LYRM9: variants seen among roughly 807,000 people sequenced by gnomAD.
LYRM9 encodes the protein LYR motif-containing protein 9.
A neutral mutation model predicts 12.6 loss-of-function variants in LYRM9; 14 were observed. The observed-to-expected ratio is 1.11, with a 90% CI of 0.73 to 1.73. The LOEUF (loss-of-function observed/expected upper bound fraction) is 1.73, where lower values mean the gene tolerates loss of function less well. Among genes scored for constraint, LYRM9 ranks in the 40% most tolerant of loss-of-function variants. LYRM9 has a pLI of 0.00. For synonymous variants in LYRM9, 42 were observed against 35.1 expected (o/e 1.20, Z -0.69); for missense variants, 94 against 95.0 (o/e 0.99, Z 0.04).
intron 2 of LYRM9, chr17:27,880,624 T>C (rs1025862825): frequency 6.0e-5 from 32 of 529,010 alleles, no homozygotes; most frequent in Admixed American, 3.9e-4. Context: ...GCAAAAAGAC[T>C]GGCCCCCAAG....
At position 27,882,670 on chromosome 17, in the gene LYRM9, G is replaced by A. The variant is rs1905102594; in HGVS notation, c.25C>T (p.Leu9=). ...TAGAGCTGCAGTGGCCTCCGAACCAGTTCTGCTCCTGGCAGCGGGGCCATC... is the reference window on the plus strand; with the variant it reads ...TAGAGCTGCAGTGGCCTCCGAACCAATTCTGCTCCTGGCAGCGGGGCCATC... MAPLPGAE[L]VRRPLQLYRY... Residue 9 remains leucine (L), a synonymous_variant, in exon 2 of 4, where the codon CTG becomes TTG. Coordinates refer to ENST00000379102, the MANE Select transcript of LYRM9 (RefSeq NM_001076680.3). The A allele has an allele frequency of 6.2e-7, 1 of 1,605,066 alleles. No homozygotes were observed. Among genetic ancestry groups the A allele is most frequent in the South Asian group, 1.1e-5 (1 of 89,152 alleles).
At position 27,879,359 on chromosome 17, in the gene LYRM9, T is replaced by G. The variant is rs964323471; in HGVS notation, c.*114A>C. On this transcript the variant is annotated 3_prime_UTR_variant, in exon 4 of 4. Transcript: ENST00000379102. ...GAGCAAGGTCAGCTTCTCCCCTGATTTCTGGCTTTCAGCCAACAAGGCCAA... is the reference window on the plus strand; with the variant it reads ...GAGCAAGGTCAGCTTCTCCCCTGATGTCTGGCTTTCAGCCAACAAGGCCAA... The G allele has an allele frequency of 6.5e-6, 8 of 1,223,626 alleles. No individual in the cohort carries two copies. Among genetic ancestry groups the G allele is most frequent in the Non-Finnish European group, 5.6e-6 (5 of 894,352 alleles). The allele number at this position is 1,223,626 out of a possible 1,614,324, so 75.8% of individuals were successfully genotyped here. A position where few individuals can be genotyped will look rare whatever the true frequency, so the allele number is the denominator to read the frequency against.
intron 1 of LYRM9, among the ~76,000 whole-genome samples, chr17:27,885,890 T>C (rs943546760): frequency 1.3e-5 from 2 of 151,894 alleles, no homozygotes; most frequent in Non-Finnish European, 2.9e-5. Flanking sequence ...CACAAATTCT[T>C]CCACAATGCA....
rs1469199163 is a variant in LYRM9 at position 27,878,873 on chromosome 17, CA to C, written c.*599del. On this transcript the variant is annotated 3_prime_UTR_variant, in exon 4 of 4. Transcript: ENST00000379102. Reference sequence around the variant, plus strand: ...TCAGGGGCTACAAGCAGGGACAGGGCAAGCTCGCAAACAAAAAACTGAGACC... The same window carrying C: ...TCAGGGGCTACAAGCAGGGACAGGGCAGCTCGCAAACAAAAAACTGAGACC... 6.5e-6 allele frequency: 1 copy of C among 152,780 alleles called. No homozygotes were observed. The highest frequency in any genetic ancestry group is 2.4e-5 in the African/African-American group (1 of 41,430). 9.5% of individuals were successfully genotyped at this position (152,780 alleles called of 1,614,324 possible).
At chr17:27,889,330 G>C (rs9903233) in intron 1 of LYRM9, among the ~76,000 whole-genome samples, 1 of 149,358 alleles carries the variant, frequency 6.7e-6, no homozygotes, top group Admixed American at 6.6e-5. Flanking sequence ...TTTTTGAGAC[G>C]GCATTTCGCT....
intron 2 of LYRM9, 190 bp from the exon 3 acceptor site, chr17:27,880,556 G>C: frequency 1.7e-6 from 1 of 598,838 alleles, no homozygotes; most frequent in South Asian, 2.0e-5. Flanking sequence ...CTGAACAATA[G>C]CATTTGAATC....
rs1904947027 is a variant in LYRM9 at position 27,879,105 on chromosome 17, A to G, written c.*368T>C. The stretch of plus-strand genomic sequence containing the variant: ...AAAACCCACGTGCTTTCTTCTGTAC[A>G]GGTTGCTACCTGAGGGGACATCTGC... On this transcript the variant is annotated 3_prime_UTR_variant, in exon 4 of 4. Coordinates refer to ENST00000379102, the MANE Select transcript of LYRM9 (RefSeq NM_001076680.3). The G allele has an allele frequency of 2.8e-5, 6 of 210,808 alleles. No homozygotes were observed. In the South Asian group the frequency reaches 4.5e-4, roughly 16 times the overall value. The allele number at this position is 210,808 out of a possible 1,614,324, so 13.1% of individuals were successfully genotyped here. A position where few individuals can be genotyped will look rare whatever the true frequency, so the allele number is the denominator to read the frequency against.
At chr17:27,883,835 T>TGA (rs1905146831) in intron 1 of LYRM9, among the ~76,000 whole-genome samples, 1 of 24,562 alleles carries the variant, frequency 4.1e-5, no homozygotes, top group Non-Finnish European at 7.6e-5. Context: ...AGCCTTTTTC[T>TGA]AAAAAAAAAA....
intron 1 of LYRM9, chr17:27,892,295 G>T (rs1905482868): frequency 2.5e-6 from 1 of 400,088 alleles, no homozygotes; most frequent in Non-Finnish European, 4.8e-6. Flanking sequence ...AGCTTCTGAA[G>T]AACAAGAAAC....
chr17:27,879,542 G>T, intron 3 of LYRM9, 52 bp from the exon 4 acceptor site: 1 of 1,541,678 alleles, frequency 6.5e-7, no homozygotes, highest in Non-Finnish European at 8.8e-7. Context: ...AGGGGCAGGA[G>T]GACTCTGGAG....
rs1904935721 is a variant in LYRM9, at chr17:27,878,898, C to A, written c.*575G>T. On this transcript the variant is annotated 3_prime_UTR_variant, in exon 4 of 4. Coordinates refer to ENST00000379102, the MANE Select transcript of LYRM9 (RefSeq NM_001076680.3). Reference sequence around the variant, plus strand: ...CAAGCTCGCAAACAAAAAACTGAGACCCGATGCGGTGCATGCGGGGAGCAG... The same window carrying A: ...CAAGCTCGCAAACAAAAAACTGAGAACCGATGCGGTGCATGCGGGGAGCAG... The A allele has an allele frequency of 6.5e-6, 1 of 152,828 alleles. No individual in the cohort carries two copies. The highest frequency in any genetic ancestry group is 6.5e-5 in the Admixed American group (1 of 15,282). 9.5% of individuals were successfully genotyped at this position (152,828 alleles called of 1,614,324 possible).
rs1348165099 is a variant in LYRM9, at chr17:27,879,355, T to C, written c.*118A>G. ...TCTGGAGCAAGGTCAGCTTCTCCCC[T>C]GATTTCTGGCTTTCAGCCAACAAGG... On this transcript the variant is annotated 3_prime_UTR_variant, in exon 4 of 4. Transcript: ENST00000379102. The C allele has an allele frequency of 1.0e-5, 12 of 1,186,216 alleles. No individual in the cohort carries two copies. Among genetic ancestry groups the C allele is most frequent in the South Asian group, 1.6e-5 (1 of 62,838 alleles). The allele number at this position is 1,186,216 out of a possible 1,614,324, so 73.5% of individuals were successfully genotyped here.
chr17:27,892,599 A>T, intron 1 of LYRM9: 1 of 347,268 alleles, frequency 2.9e-6, no homozygotes, highest in South Asian at 2.3e-5. Context: ...AATAGGCAAA[A>T]GTACAGAGAC....
At chr17:27,885,908 G>C (rs915499753) in intron 1 of LYRM9, among the ~76,000 whole-genome samples, 1 of 151,982 alleles carries the variant, frequency 6.6e-6, no homozygotes, top group Non-Finnish European at 1.5e-5. Flanking sequence ...GCAATCTGAT[G>C]ACTCCAGCTG....
intron 1 of LYRM9, among the ~76,000 whole-genome samples, chr17:27,883,848 A>AAAAG: frequency 7.2e-6 from 1 of 138,624 alleles, no homozygotes; most frequent in Non-Finnish European, 1.5e-5. Flanking sequence ...AAAAAAAAAA[A>AAAAG]AAAAAAAAAA....
intron 2 of LYRM9, 72 bp from the exon 3 acceptor site, chr17:27,880,438 C>A: frequency 9.0e-7 from 1 of 1,109,144 alleles, no homozygotes; most frequent in Non-Finnish European, 1.3e-6. Context: ...GCACCAATCA[C>A]AGGCCAGGGA....
chr17:27,887,508 C>T (rs1269151694), intron 1 of LYRM9, among the ~76,000 whole-genome samples: 3 of 152,200 alleles, frequency 2.0e-5, no homozygotes, highest in East Asian at 1.9e-4. Context: ...AGGCCCCTCT[C>T]GATCTGGCCC....
At chr17:27,892,446 A>C (rs1416192653) in intron 1 of LYRM9, 1 of 454,636 alleles carries the variant, frequency 2.2e-6, no homozygotes, top group Non-Finnish European at 4.4e-6. Flanking sequence ...TTCCCAAGTT[A>C]CCAGAGGAAA....
chr17:27,886,645 CTTTT>C lies in LYRM9; in HGVS notation c.-18-3937_-18-3934del, dbSNP rs1194358776. Among the ~76,000 whole-genome samples, 6 of 97,172 alleles carry C rather than the reference CTTTT, an allele frequency of 6.2e-5. No homozygotes were observed. Among genetic ancestry groups the C allele is most frequent in the Admixed American group, 3.5e-4 (3 of 8,508 alleles). 63.7% of individuals were successfully genotyped at this position (97,172 alleles called of 152,430 possible). On this transcript the variant is annotated intron_variant, in intron 1 of 3. Transcript: ENST00000379102. The surrounding 1 kb of genome is among the most constrained non-coding windows in gnomAD (Gnocchi z 4.8). ...GCCACTGGTTTCTTTCTTTTCTTTT[CTTTT>C]TTTATTTTTTTTTTTTTGAGACAGA...
Sources: allele counts gnomAD v4.1 joint callset (sites outside exome capture counted in the v4.1 genomes callset), GRCh38; gene constraint gnomAD v4.1.1; non-coding constraint Gnocchi (gnomAD v3.1); transcripts MANE v1.5; gene names NCBI Gene and HGNC (gene_info 2026-07-23, HGNC 2026-07-21).